NEK5: variants seen among roughly 807,000 people sequenced by gnomAD.
NEK5 encodes NIMA related kinase 5.
A neutral mutation model predicts 109.2 loss-of-function variants in NEK5; 88 were observed. The ratio of observed to expected loss-of-function variants is 0.81; its 90% confidence interval spans 0.68 to 0.96. The LOEUF (loss-of-function observed/expected upper bound fraction) is 0.96. NEK5 is among the 40% of genes least tolerant of loss of function. The probability of loss-of-function intolerance (pLI) is 0.00; values close to 1 mark genes in which losing one functional copy is unlikely to be tolerated. For missense variants in NEK5, 834 were observed against 920.7 expected, an observed-to-expected ratio of 0.91 and a Z score of 1.22; for synonymous variants, 283 against 299.9, an observed-to-expected ratio of 0.94 and a Z score of 0.58.
At chr13:52,053,928 G>A (rs1954530125) in intron 22 of NEK5, among the ~76,000 whole-genome samples, 1 of 152,186 alleles carries the variant, frequency 6.6e-6, no homozygotes, top group Admixed American at 6.5e-5. Flanking sequence ...CAAGCGGAGG[G>A]CAGCTGAACT....
At chr13:52,072,789 C>T (rs1375143986) in intron 19 of NEK5, among the ~76,000 whole-genome samples, 2 of 152,094 alleles carry the variant, frequency 1.3e-5, no homozygotes, top group African/African-American at 2.4e-5. Context: ...TAATAAAGAA[C>T]ATTAAATAAA....
At chr13:52,060,543 C>G (rs1385417139) in intron 22 of NEK5, among the ~76,000 whole-genome samples, 1 of 152,070 alleles carries the variant, frequency 6.6e-6, no homozygotes, top group African/African-American at 2.4e-5. Context: ...TTAGTAGAGA[C>G]GAGGTTTGGC....
intron 12 of NEK5, 117 bp downstream of exon 12, chr13:52,099,626 C>T (rs1043263007): frequency 4.9e-5 from 52 of 1,070,446 alleles, no homozygotes; most frequent in Admixed American, 9.3e-5. Context: ...GCCGAGATCG[C>T]GCCACTGCAC....
At chr13:52,090,326 A>C (rs1955252531) in intron 13 of NEK5, among the ~76,000 whole-genome samples, 1 of 152,236 alleles carries the variant, frequency 6.6e-6, no homozygotes. Context: ...AAGGCTCCAA[A>C]GACAGAACTG....
In NEK5 at chr13:52,037,040, A is replaced by C; in HGVS notation, c.2407T>G (p.Leu803Val). 1 of 985,324 alleles carries C rather than the reference A, an allele frequency of 1.0e-6. No individual in the cohort carries two copies. The highest frequency in any genetic ancestry group is 1.2e-6 in the Non-Finnish European group (1 of 829,870). The allele number at this position is 985,324 out of a possible 1,614,324, so 61.0% of individuals were successfully genotyped here. The change falls in exon 24 of 24, where the codon TTG becomes GTG. Residue 803 changes from leucine (L) to valine (V), a missense_variant. Physicochemically the swap from Leu to Val is conservative, Grantham distance 32 (BLOSUM62 1). Transcript: ENST00000684899. ...TTAGATGTAGTAGAAATATTCTCCA[A>C]GCCCTCCCTTAATTCTTCAGATTTC... ...MQKSEELREG[L>V]ENISTTSNDH...
chr13:52,086,562 G>A, intron 15 of NEK5, among the ~76,000 whole-genome samples, 199 bp from the exon 16 acceptor site: 1 of 152,184 alleles, frequency 6.6e-6, no homozygotes, highest in Non-Finnish European at 1.5e-5. Context: ...TAGCTACAGA[G>A]CTCAATTTTA....
At position 52,086,328 on chromosome 13, in the gene NEK5, C is replaced by G; in HGVS notation, c.1428G>C (p.Gln476His). 6.2e-7 allele frequency: 1 copy of G among 1,612,982 alleles called. No individual in the cohort carries two copies. Among genetic ancestry groups the G allele is most frequent in the Non-Finnish European group, 8.5e-7 (1 of 1,179,040 alleles). ...TAATTTCTTTCATGTCATTGTGGTA[C>G]TGTTGGCGTATTTCCTCTAACTGCT... ...YWKQLEEIRQ[Q>H]YHNDMKEIRK... The change falls in exon 16 of 24, where the codon CAG becomes CAC. Residue 476 changes from glutamine to histidine, a missense_variant. Around this residue, in one of 2 missense-constraint regions of NEK5, gnomAD observed 777 missense variants for 824.7 expected, o/e 0.94. Coordinates refer to ENST00000684899, the MANE Select transcript of NEK5 (RefSeq NM_001365552.1).
At chr13:52,045,763 T>TA (rs1954453323) in intron 23 of NEK5, among the ~76,000 whole-genome samples, 1 of 57,508 alleles carries the variant, frequency 1.7e-5, no homozygotes, top group South Asian at 5.9e-4. Flanking sequence ...AGACTCTGTC[T>TA]CAAAAAAAAA....
In NEK5 at chr13:52,064,111, C is replaced by T. The variant is rs541439816; in HGVS notation, c.1975+1373G>A. ...CCGGGAGGTGAGGGGTGCCTCTGCC[C>T]GGCCGCCCCTACTGGGAAGTCAGGA... On this transcript the variant is annotated intron_variant, in intron 21 of 23. Transcript: ENST00000684899. Among the ~76,000 whole-genome samples the T allele has an allele frequency of 1.7e-3, 243 of 146,970 alleles. 2 individuals carry two copies. Among genetic ancestry groups the T allele is most frequent in the African/African-American group, 5.7e-3 (227 of 39,822 alleles).
intron 17 of NEK5, among the ~76,000 whole-genome samples, chr13:52,077,814 C>T (rs1041406571): frequency 5.9e-5 from 9 of 152,178 alleles, no homozygotes; most frequent in Non-Finnish European, 1.2e-4. Context: ...GTGGCTCACA[C>T]CTGTAATCCC....
intron 12 of NEK5, among the ~76,000 whole-genome samples, chr13:52,099,003 C>T (rs1405192184): frequency 6.6e-6 from 1 of 152,090 alleles, no homozygotes; most frequent in Non-Finnish European, 1.5e-5. Flanking sequence ...TTTGATAGCA[C>T]AATAGACTGC....
intron 22 of NEK5, among the ~76,000 whole-genome samples, chr13:52,061,316 C>G (rs1036615804): frequency 6.6e-6 from 1 of 152,210 alleles, no homozygotes; most frequent in Non-Finnish European, 1.5e-5. Context: ...TGCCACTCAC[C>G]TCCTGCTGTG....
Position 52,104,505 on chromosome 13 carries a change from T to A in NEK5, c.602A>T (p.Lys201Ile). ...GACAATGAGCATACTTACAGGATGT[T>A]TAAGTGTGCAGAGCTCATATAAGAC... The part of the protein sequence containing the change: ...GCVLYELCTL[K>I]HPFEGNNLQQ... The change falls in exon 9 of 24, where the codon AAA becomes ATA. Residue 201 changes from lysine (K) to isoleucine (I), a missense_variant. This residue lies in a region of NEK5 where 777 missense variants were observed against 824.7 expected (regional missense o/e 0.94). Transcript: ENST00000684899. 1.3e-6 allele frequency: 2 copies of A among 1,598,692 alleles called. No individual in the cohort carries two copies. Among genetic ancestry groups the A allele is most frequent in the Non-Finnish European group, 1.7e-6 (2 of 1,166,002 alleles).
intron 22 of NEK5, among the ~76,000 whole-genome samples, chr13:52,055,991 A>T (rs1277859849): frequency 3.1e-4 from 47 of 152,136 alleles, no homozygotes; most frequent in Non-Finnish European, 2.2e-4. Context: ...CAATTAAAAG[A>T]CACAGACTGG....
chr13:52,056,121 A>G (rs763093385), intron 22 of NEK5, among the ~76,000 whole-genome samples: 2 of 152,172 alleles, frequency 1.3e-5, no homozygotes, highest in Non-Finnish European at 2.9e-5. Flanking sequence ...AGCAAATGGA[A>G]AACAAAAAAA....
chr13:52,060,544 G>A (rs917264090), intron 22 of NEK5, among the ~76,000 whole-genome samples: 9 of 151,994 alleles, frequency 5.9e-5, no homozygotes, highest in East Asian at 1.9e-4. Context: ...TAGTAGAGAC[G>A]AGGTTTGGCC....
At chr13:52,041,217 C>A (rs1306843881) in intron 23 of NEK5, among the ~76,000 whole-genome samples, 1 of 151,976 alleles carries the variant, frequency 6.6e-6, no homozygotes, top group African/African-American at 2.4e-5. Context: ...TGAACTAACT[C>A]CAGATGAAAT....
intron 23 of NEK5, among the ~76,000 whole-genome samples, chr13:52,041,929 CAAAA>C (rs1217036484): frequency 2.0e-5 from 3 of 151,482 alleles, no homozygotes; most frequent in Admixed American, 1.3e-4. Context: ...CATGTGTTCT[CAAAA>C]GAAAGTGAAG....
chr13:52,037,082 C>T lies in NEK5; in HGVS notation c.2365G>A (p.Glu789Lys). ...TCAGATTTCTGCATACTTATCCCCT[C>T]TCTTTCTCTTGACTTTCTAGAGTCC... is the stretch of plus-strand genomic sequence containing the variant. The part of the protein sequence containing the change: ...SKDSRKSRER[E>K]GISMQKSEEL... Residue 789 changes from glutamate (E) to lysine (K), a missense_variant, in exon 24 of 24, where the codon GAG (glutamate) becomes AAG (lysine). Glu to Lys is a moderately conservative substitution (Grantham distance 56). Coordinates refer to ENST00000684899, the MANE Select transcript of NEK5 (RefSeq NM_001365552.1). 1.0e-6 allele frequency: 1 copy of T among 985,412 alleles called. No homozygotes were observed. Among genetic ancestry groups the T allele is most frequent in the Non-Finnish European group, 1.2e-6 (1 of 829,910 alleles). The allele number at this position is 985,412 out of a possible 1,614,324, so 61.0% of individuals were successfully genotyped here. A position where few individuals can be genotyped will look rare whatever the true frequency, so the allele number is the denominator to read the frequency against.
Sources: allele counts gnomAD v4.1 joint callset (sites outside exome capture counted in the v4.1 genomes callset), GRCh38; gene constraint gnomAD v4.1.1; regional missense constraint gnomAD v4.1.1; transcripts MANE v1.5; gene names NCBI Gene and HGNC (gene_info 2026-07-23, HGNC 2026-07-21).